The following USP34 variants were observed in gnomAD, a reference collection of about 807,000 sequenced individuals.
The protein encoded by USP34 is ubiquitin carboxyl-terminal hydrolase 34.
A neutral mutation model predicts 460.3 loss-of-function variants in USP34; 70 were observed. The ratio of observed to expected loss-of-function variants is 0.15; its 90% confidence interval spans 0.13 to 0.19. The LOEUF (loss-of-function observed/expected upper bound fraction) is 0.19. Ranked by LOEUF, USP34 falls within the 10% of genes least tolerant of loss-of-function variation. The pLI is 1.00. For synonymous variants in USP34, 1,647 were observed against 1,405.3 expected, an observed-to-expected ratio of 1.17 and a Z score of -3.85; for missense variants, 3,985 against 4,236.2, an observed-to-expected ratio of 0.94 and a Z score of 1.65.
At chr2:61,404,930 GA>G (rs1693823653) in intron 3 of USP34, among the ~76,000 whole-genome samples, 3 of 152,010 alleles carry the variant, frequency 2.0e-5, no homozygotes, top group African/African-American at 7.2e-5. Flanking sequence ...ACTTACAAAA[GA>G]AAATACTATT....
intron 15 of USP34, among the ~76,000 whole-genome samples, chr2:61,346,080 T>C (rs963673071): frequency 1.3e-5 from 2 of 152,214 alleles, no homozygotes. Flanking sequence ...TGTGTAAAAT[T>C]TCCCTTTCTT....
chr2:61,416,831 G>GGGGGA (rs1694210126), intron 2 of USP34: 7 of 372,528 alleles, frequency 1.9e-5, no homozygotes, highest in South Asian at 1.4e-4. Context: ...TGGGGGGGGG[G>GGGGGA]ACAGGAAGTA....
Position 61,319,322 on chromosome 2 carries a change from T to C in USP34, c.3019A>G (p.Ser1007Gly). The C allele has an allele frequency of 6.5e-7, 1 of 1,535,184 alleles. No homozygotes were observed. The highest frequency in any genetic ancestry group is 8.7e-7 in the Non-Finnish European group (1 of 1,151,624). ...TLGSPDHFRL[S>G]LEQVDILWHC... ...CATAAGATGTCAACTTGCTCTAAAC[T>C]TAACCCTAGATAAAAATTATAAATT... The change falls in exon 22 of 80, where the codon AGT (serine) becomes GGT (glycine). Residue 1007 changes from serine (S) to glycine (G), a missense_variant. Physicochemically the swap from Ser to Gly is moderately conservative, Grantham distance 56. Coordinates refer to ENST00000398571, the MANE Select transcript of USP34 (RefSeq NM_014709.4).
intron 2 of USP34, chr2:61,416,818 TTTTG>T: frequency 3.0e-6 from 1 of 338,126 alleles, no homozygotes. Context: ...ATCTTTTTTT[TTTTG>T]GGGGGGGGGA....
chr2:61,215,066 G>A (rs1202622212), intron 67 of USP34, among the ~76,000 whole-genome samples: 1 of 152,128 alleles, frequency 6.6e-6, no homozygotes. Context: ...GGTACCTGAG[G>A]AGGTCAAATC....
intron 39 of USP34, 21 bp from the exon 40 acceptor site, chr2:61,278,464 A>T: frequency 1.3e-6 from 2 of 1,482,336 alleles, no homozygotes; most frequent in Non-Finnish European, 1.8e-6. Context: ...AAAGAAAATA[A>T]AAATTCAAAT....
chr2:61,310,829 A>C (rs1690568839), intron 27 of USP34, among the ~76,000 whole-genome samples: 2 of 152,150 alleles, frequency 1.3e-5, no homozygotes, highest in African/African-American at 4.8e-5. Flanking sequence ...TATTGGGTTA[A>C]AGTGGATGAG....
intron 75 of USP34, among the ~76,000 whole-genome samples, chr2:61,199,531 T>C (rs1686907656): frequency 1.3e-5 from 2 of 152,330 alleles, no homozygotes; most frequent in African/African-American, 4.8e-5. Context: ...GCTGGGATTA[T>C]AGGCGCAAGC....
chr2:61,357,563 G>T (rs1692144395), intron 10 of USP34, among the ~76,000 whole-genome samples: 1 of 152,048 alleles, frequency 6.6e-6, no homozygotes, highest in African/African-American at 2.4e-5. Flanking sequence ...CTAGTAGAAG[G>T]AAGAAAATGA....
At chr2:61,206,255 T>C in intron 71 of USP34, 131 bp from the exon 72 acceptor site, 3 of 708,604 alleles carry the variant, frequency 4.2e-6, no homozygotes, top group East Asian at 5.3e-5. Flanking sequence ...CAGTGAAAGC[T>C]AAGTCATTTT....
intron 8 of USP34, among the ~76,000 whole-genome samples, chr2:61,371,903 A>T (rs1000185677): frequency 3.9e-5 from 6 of 152,202 alleles, no homozygotes; most frequent in African/African-American, 1.2e-4. Context: ...TGCCCACAGA[A>T]TTAAGTACAG....
At chr2:61,417,149 C>T (rs761931006) in intron 2 of USP34, 8 of 1,576,824 alleles carry the variant, frequency 5.1e-6, no homozygotes, top group Non-Finnish European at 6.9e-6. Context: ...ACCCTGGCCA[C>T]AGTGCCCTGG....
At chr2:61,190,761 T>A (rs918227730) in intron 76 of USP34, 103 bp from the exon 77 acceptor site, 6 of 1,379,578 alleles carry the variant, frequency 4.3e-6, no homozygotes, top group South Asian at 3.2e-5. Flanking sequence ...TATGATGGAA[T>A]CTGAAGCCAC....
At chr2:61,189,259 GTT>G (rs11309952) in intron 78 of USP34, 190 bp from the exon 79 acceptor site, 2,851 of 423,754 alleles carry the variant, frequency 6.7e-3, no homozygotes, top group East Asian at 0.016. Flanking sequence ...TTCATTAGTT[GTT>G]TTTTTTTTTT....
chr2:61,418,329 G>A (rs1242781975), intron 2 of USP34, among the ~76,000 whole-genome samples: 21 of 151,418 alleles, frequency 1.4e-4, no homozygotes, highest in Non-Finnish European at 1.3e-4. Flanking sequence ...ATCCACCCAC[G>A]TTGGCCTCTC....
chr2:61,189,426 C>G (rs1686556501), intron 78 of USP34: 1 of 165,404 alleles, frequency 6.0e-6, no homozygotes, highest in African/African-American at 2.4e-5. Context: ...GCGCCCGCCA[C>G]CACGCCTGGC....
intron 59 of USP34, 50 bp downstream of exon 59, chr2:61,229,486 AAACAAAAACACC>A: frequency 2.5e-6 from 2 of 815,258 alleles, no homozygotes; most frequent in South Asian, 7.3e-5. Context: ...CAAAAAAAAA[AAACAAAAACACC>A]ACACACACAC....
At chr2:61,230,343 T>C (rs1394600529) in intron 58 of USP34, among the ~76,000 whole-genome samples, 4 of 152,100 alleles carry the variant, frequency 2.6e-5, no homozygotes, top group Non-Finnish European at 4.4e-5. Flanking sequence ...CTAGCCAACA[T>C]GGCAAAACCC....
intron 68 of USP34, 107 bp from the exon 69 acceptor site, chr2:61,212,036 G>T: frequency 1.5e-6 from 2 of 1,310,078 alleles, no homozygotes; most frequent in Non-Finnish European, 2.0e-6. Context: ...ATACAAATAA[G>T]CTAGATTATA....
Sources: gnomAD v4.1 joint callset for allele counts (sites outside exome capture counted in the v4.1 genomes callset) on GRCh38, gnomAD v4.1.1 for gene constraint, MANE v1.5 for transcripts, NCBI Gene and HGNC (gene_info 2026-07-23, HGNC 2026-07-21) for gene names.